The following ANK3 variants were observed in gnomAD, a reference collection of about 807,000 sequenced individuals.
The protein encoded by ANK3 is ankyrin 3, also known as ankyrin-3.
A neutral mutation model predicts 370.9 loss-of-function variants in ANK3; 57 were observed. The observed-to-expected ratio is 0.15, with a 90% CI of 0.12 to 0.19. The LOEUF is 0.19. Ranked by LOEUF, ANK3 falls within the 10% of genes least tolerant of loss-of-function variation. ANK3 has a pLI of 1.00. For synonymous variants in ANK3, 1,929 were observed against 1,946.3 expected (o/e 0.99, Z 0.23); for missense variants, 4,439 against 5,302.1 (o/e 0.84, Z 5.06).
At chr10:60,638,728 C>T (rs1044171769) in intron 1 of ANK3, among the ~76,000 whole-genome samples, 1 of 151,928 alleles carries the variant, frequency 6.6e-6, no homozygotes, top group East Asian at 1.9e-4. Flanking sequence ...AAAATATGCT[C>T]AATAACTTCT....
intron 43 of ANK3, among the ~76,000 whole-genome samples, chr10:60,040,827 A>T (rs1342061996): frequency 6.6e-6 from 1 of 152,130 alleles, no homozygotes; most frequent in Non-Finnish European, 1.5e-5. Context: ...AAGCTGCTAA[A>T]CTTTAGGGGC....
chr10:60,586,268 A>G (rs1274792159), intron 2 of ANK3, among the ~76,000 whole-genome samples: 1 of 152,164 alleles, frequency 6.6e-6, no homozygotes, highest in Non-Finnish European at 1.5e-5. Flanking sequence ...ACAGAGAGCA[A>G]TCAGCAGGGA....
chr10:60,033,091 CTG>C (rs2074064269), intron 43 of ANK3, among the ~76,000 whole-genome samples: 1 of 152,228 alleles, frequency 6.6e-6, no homozygotes, highest in African/African-American at 2.4e-5. Context: ...ACTTAGGAAT[CTG>C]TCTTGCTTTG....
intron 2 of ANK3, among the ~76,000 whole-genome samples, chr10:60,402,503 T>C (rs2063371571): frequency 6.6e-6 from 1 of 152,178 alleles, no homozygotes; most frequent in Non-Finnish European, 1.5e-5. Context: ...AAATAAATGA[T>C]CCTATATGCA....
intron 25 of ANK3, among the ~76,000 whole-genome samples, chr10:60,122,147 G>A (rs986370041): frequency 6.6e-6 from 1 of 152,278 alleles, no homozygotes; most frequent in South Asian, 2.1e-4. Context: ...GATTTTTCCA[G>A]TTTGAAAAGA....
intron 1 of ANK3, among the ~76,000 whole-genome samples, chr10:60,711,979 T>C (rs2079715481): frequency 6.6e-6 from 1 of 152,166 alleles, no homozygotes; most frequent in Non-Finnish European, 1.5e-5. Flanking sequence ...TCCAAGAAAA[T>C]TATTCTTTAA....
intron 1 of ANK3, among the ~76,000 whole-genome samples, chr10:60,350,455 T>A (rs4948408): frequency 0.7 from 106,100 of 152,028 alleles, 38,293 homozygotes; most frequent in South Asian, 0.91. Context: ...GTTACAAATG[T>A]GGGCAGACAG....
intron 2 of ANK3, among the ~76,000 whole-genome samples, chr10:60,431,299 A>C (rs184459461): frequency 1.3e-4 from 20 of 152,100 alleles, no homozygotes; most frequent in Non-Finnish European, 1.6e-4. Context: ...GGGTTTGTGC[A>C]GTTCACAGCA....
intron 1 of ANK3, among the ~76,000 whole-genome samples, chr10:60,363,706 C>T (rs754642023): frequency 2.8e-4 from 42 of 152,134 alleles, no homozygotes; most frequent in Admixed American, 1.3e-3. Flanking sequence ...CCTTAAGTCA[C>T]ACCAATGTCA....
At chr10:60,273,593 T>C (rs2098036109) in intron 4 of ANK3, among the ~76,000 whole-genome samples, 1 of 152,198 alleles carries the variant, frequency 6.6e-6, no homozygotes, top group South Asian at 2.1e-4. Flanking sequence ...ATGATATCTG[T>C]CCTTGAATGG....
Position 60,042,656 on chromosome 10 carries a change from T to C in ANK3, c.*19+16A>G. The C allele has an allele frequency of 1.2e-6, 2 of 1,607,782 alleles. No individual in the cohort carries two copies. Among genetic ancestry groups the C allele is most frequent in the Non-Finnish European group, 1.7e-6 (2 of 1,175,488 alleles). On this transcript the variant is annotated intron_variant, in intron 43 of 43. Coordinates refer to ENST00000280772, the MANE Select transcript of ANK3 (RefSeq NM_020987.5). ...GGAATTTAAGTCCTACTGTTGTTGATATGAACACACCTCACCTTGACTGAC... is the reference window on the plus strand; with the variant it reads ...GGAATTTAAGTCCTACTGTTGTTGACATGAACACACCTCACCTTGACTGAC...
At chr10:60,185,725 T>G (rs766295708) in intron 17 of ANK3, among the ~76,000 whole-genome samples, 3 of 152,202 alleles carry the variant, frequency 2.0e-5, no homozygotes, top group Non-Finnish European at 4.4e-5. Flanking sequence ...TGTGGTTTCC[T>G]ATTATCTGAA....
At chr10:60,658,665 C>T (rs2133369838) in intron 1 of ANK3, among the ~76,000 whole-genome samples, 1 of 152,220 alleles carries the variant, frequency 6.6e-6, no homozygotes, top group South Asian at 2.1e-4. Flanking sequence ...TATCATTTCC[C>T]TTCTACCTAA....
At chr10:60,595,563 T>C (rs985079306) in intron 2 of ANK3, among the ~76,000 whole-genome samples, 2 of 152,112 alleles carry the variant, frequency 1.3e-5, no homozygotes, top group Non-Finnish European at 2.9e-5. Flanking sequence ...TAATGTTATC[T>C]ATAAGAGCAA....
chr10:60,607,652 T>C (rs1345165386), intron 2 of ANK3, among the ~76,000 whole-genome samples: 2 of 152,172 alleles, frequency 1.3e-5, no homozygotes, highest in Non-Finnish European at 2.9e-5. Flanking sequence ...TATACATGCT[T>C]CAAATTATAG....
intron 2 of ANK3, among the ~76,000 whole-genome samples, chr10:60,429,557 T>C (rs2063967794): frequency 6.6e-6 from 1 of 152,206 alleles, no homozygotes; most frequent in Non-Finnish European, 1.5e-5. Context: ...TTTAAGCTTT[T>C]GGGTGAATGT....
In ANK3 at chr10:60,485,190, C is replaced by T. The variant is rs74388532; in HGVS notation, c.96+129996G>A. 3.0e-3 allele frequency among the ~76,000 whole-genome samples: 463 copies of T among 152,242 alleles called. 8 individuals carry two copies. The highest frequency in any genetic ancestry group is 0.011 in the African/African-American group (445 of 41,556). On this transcript the variant is annotated intron_variant, in intron 2 of 43. Transcript: ENST00000373827. ...TCTGTACCATGACTGGATTCTATTA[C>T]ATGCTACACAAGATTCTTCCAGTTC... is the stretch of plus-strand genomic sequence containing the variant.
At chr10:60,359,444 C>A (rs897070806) in intron 1 of ANK3, among the ~76,000 whole-genome samples, 1 of 152,146 alleles carries the variant, frequency 6.6e-6, no homozygotes, top group African/African-American at 2.4e-5. Context: ...CTAATAACAT[C>A]TTTCCAATTC....
At position 60,605,232 on chromosome 10, in the gene ANK3, C is replaced by T. The variant is rs182182062; in HGVS notation, c.96+9954G>A. On this transcript the variant is annotated intron_variant, in intron 2 of 43. Coordinates refer to the ANK3 transcript ENST00000373827. ...TCAGTCTCTCTCCTTTTAGGTTCTA[C>T]GGGAAACACATAAATGACACACATG... is the stretch of plus-strand genomic sequence containing the variant. 8.5e-5 allele frequency among the ~76,000 whole-genome samples: 13 copies of T among 152,118 alleles called. No homozygotes were observed. The East Asian group carries it at 1.2e-3, about 14-fold the overall frequency.
Sources: gnomAD v4.1 joint callset for allele counts (sites outside exome capture counted in the v4.1 genomes callset) on GRCh38, gnomAD v4.1.1 for gene constraint, MANE v1.5 for transcripts, NCBI Gene and HGNC (gene_info 2026-07-23, HGNC 2026-07-21) for gene names.